The following TRERF1 variants were observed in gnomAD, a reference collection of about 807,000 sequenced individuals.
TRERF1 encodes the protein transcriptional-regulating factor 1.
A neutral mutation model predicts 122.9 loss-of-function variants in TRERF1; 27 were observed. That is an observed-to-expected ratio of 0.22 (90% CI 0.16 to 0.30). The LOEUF is 0.30. Among genes scored for constraint, TRERF1 ranks in the 10% least tolerant of loss-of-function variants. The probability of loss-of-function intolerance (pLI) is 1.00; values close to 1 mark genes in which losing one functional copy is unlikely to be tolerated. For missense variants in TRERF1, 1,248 were observed against 1,560.3 expected (o/e 0.80, Z 3.37); for synonymous variants, 636 against 641.7 (o/e 0.99, Z 0.13).
chr6:42,332,913 G>C (rs760907171), intron 3 of TRERF1, among the ~76,000 whole-genome samples: 1 of 152,204 alleles, frequency 6.6e-6, no homozygotes, highest in Non-Finnish European at 1.5e-5. Context: ...GAGAGGAAAG[G>C]AGAGGAAACT....
intron 15 of TRERF1, among the ~76,000 whole-genome samples, chr6:42,240,883 CTGTTTTT>C (rs1353224691): frequency 2.6e-5 from 4 of 151,508 alleles, no homozygotes; most frequent in Admixed American, 6.6e-5. Flanking sequence ...GGAGAGCATA[CTGTTTTT>C]TGTTTTTTGT....
intron 2 of TRERF1, among the ~76,000 whole-genome samples, chr6:42,382,788 C>G (rs1488622155): frequency 6.6e-6 from 1 of 152,080 alleles, no homozygotes; most frequent in Non-Finnish European, 1.5e-5. Context: ...AAATAGGAAG[C>G]TTTCCTCTGC....
At chr6:42,234,146 T>A (rs1185384772) in intron 16 of TRERF1, among the ~76,000 whole-genome samples, 2 of 152,126 alleles carry the variant, frequency 1.3e-5, no homozygotes, top group African/African-American at 2.4e-5. Context: ...CACTGCCAAA[T>A]GTTCTTGGGG....
intron 3 of TRERF1, among the ~76,000 whole-genome samples, chr6:42,326,557 G>A (rs141082100): frequency 9.8e-5 from 15 of 152,290 alleles, no homozygotes; most frequent in African/African-American, 3.6e-4. Flanking sequence ...TAATCCAGGA[G>A]GATGGGGCCA....
At chr6:42,303,665 G>T (rs1047468011) in intron 3 of TRERF1, among the ~76,000 whole-genome samples, 1 of 152,154 alleles carries the variant, frequency 6.6e-6, no homozygotes, top group Non-Finnish European at 1.5e-5. Flanking sequence ...TGTAATCCCA[G>T]CATTTTGGGA....
chr6:42,244,602 A>T (rs943990704), intron 14 of TRERF1, among the ~76,000 whole-genome samples: 2 of 152,206 alleles, frequency 1.3e-5, no homozygotes, highest in African/African-American at 4.8e-5. Flanking sequence ...TTTTTTCTCA[A>T]TATAGCTTGG....
chr6:42,375,665 G>A (rs565545186), intron 2 of TRERF1, among the ~76,000 whole-genome samples: 16 of 152,326 alleles, frequency 1.1e-4, no homozygotes, highest in African/African-American at 3.8e-4. Context: ...CACACTGACT[G>A]ACTAAAGAGG....
chr6:42,430,561 A>T (rs373739318), intron 2 of TRERF1, among the ~76,000 whole-genome samples: 4 of 151,494 alleles, frequency 2.6e-5, no homozygotes, highest in South Asian at 2.1e-4. Context: ...ACCAGCCTGG[A>T]CAACATGGTG....
intron 2 of TRERF1, among the ~76,000 whole-genome samples, chr6:42,372,610 T>C (rs1773963115): frequency 6.6e-6 from 1 of 152,210 alleles, no homozygotes; most frequent in Non-Finnish European, 1.5e-5. Flanking sequence ...AGCTGGATTC[T>C]CATTGGAGAC....
In TRERF1 at chr6:42,328,670, G is replaced by A. The variant is rs150620322; in HGVS notation, c.-370-27921C>T. 6.6e-5 allele frequency among the ~76,000 whole-genome samples: 10 copies of A among 152,316 alleles called. No individual in the cohort carries two copies. In the South Asian group the frequency reaches 1.4e-3, roughly 22 times the overall value. The stretch of plus-strand genomic sequence containing the variant: ...CTGAACAGCAATGCCATGCTAAGCA[G>A]AGTCTTAAGGGCCACTCTGAAGGTT... On this transcript the variant is annotated intron_variant, in intron 3 of 17. Coordinates refer to ENST00000372922, the Ensembl canonical transcript of TRERF1.
chr6:42,320,130 A>C lies in TRERF1; in HGVS notation c.-370-19381T>G, dbSNP rs1017017888. On this transcript the variant is annotated intron_variant, in intron 3 of 17. Coordinates refer to ENST00000372922, the Ensembl canonical transcript of TRERF1. ...TGGCCAGGCTGGCCTCGAACTCCTG[A>C]CCTCAAATGATCCACCTGGCGGCCT... Among the ~76,000 whole-genome samples the C allele has an allele frequency of 5.3e-5, 8 of 152,132 alleles. No homozygotes were observed. The East Asian group carries it at 1.4e-3, about 26-fold the overall frequency.
chr6:42,226,321 A>G (rs1357848152), exon 18 of TRERF1: 1 of 152,210 alleles, frequency 6.6e-6, no homozygotes, highest in Non-Finnish European at 1.5e-5. Context: ...TGCTCCTTTG[A>G]TAGATAAGCT....
intron 2 of TRERF1, among the ~76,000 whole-genome samples, chr6:42,448,854 C>T (rs1193703908): frequency 1.3e-5 from 2 of 152,196 alleles, no homozygotes; most frequent in Admixed American, 6.5e-5. Context: ...GGCTAATCAG[C>T]TTCACAGAGA....
At chr6:42,325,608 T>A (rs1764158164) in intron 3 of TRERF1, among the ~76,000 whole-genome samples, 1 of 152,152 alleles carries the variant, frequency 6.6e-6, no homozygotes, top group Non-Finnish European at 1.5e-5. Context: ...GTGTGGTGAC[T>A]CACACCTGTA....
chr6:42,240,190 G>T (rs1403354567), intron 15 of TRERF1, among the ~76,000 whole-genome samples: 1 of 152,174 alleles, frequency 6.6e-6, no homozygotes, highest in Non-Finnish European at 1.5e-5. Flanking sequence ...TTCACAGAAG[G>T]AATGTTTATG....
rs761012167 is a variant in TRERF1 at position 42,257,092 on chromosome 6, T to C, written c.2347A>G (p.Ile783Val). 1.7e-5 allele frequency: 28 copies of C among 1,614,188 alleles called. No homozygotes were observed. In the Admixed American group the frequency reaches 4.3e-4, roughly 25 times the overall value. ...ATTTCTGCTTGGAATCTCAAGCCAA[T>C]GTTGATGCGTCTTTAAATGACAAGA... The change falls in exon 11 of 18, where the codon ATT becomes GTT. Residue 783 changes from isoleucine to valine, a missense_variant. Around this residue, in one of 5 missense-constraint regions of TRERF1, gnomAD observed 946 missense variants for 1,073.0 expected, o/e 0.88. Transcript: ENST00000372922.
At chr6:42,292,010 G>T (rs185399410) in intron 4 of TRERF1, among the ~76,000 whole-genome samples, 1 of 152,234 alleles carries the variant, frequency 6.6e-6, no homozygotes, top group Non-Finnish European at 1.5e-5. Context: ...CCTCCAGCAG[G>T]CCTATCTAAC....
chr6:42,232,668 C>A lies in TRERF1; in HGVS notation c.3278+13G>T. 6.3e-7 allele frequency: 1 copy of A among 1,579,588 alleles called. No homozygotes were observed. Among genetic ancestry groups the A allele is most frequent in the South Asian group, 1.1e-5 (1 of 87,906 alleles). ...CATGAACTCAGATTCAGTCCCCGGT[C>A]CCCTGCACCTACTTGCCACACTCCT... is the stretch of plus-strand genomic sequence containing the variant. On this transcript the variant is annotated intron_variant, in intron 17 of 17. Transcript: ENST00000372922. The surrounding 1 kb of genome is among the most constrained non-coding windows in gnomAD (Gnocchi z 4.5).
intron 3 of TRERF1, among the ~76,000 whole-genome samples, chr6:42,357,689 A>G (rs925605127): frequency 7.2e-5 from 11 of 152,288 alleles, no homozygotes; most frequent in Admixed American, 2.6e-4. Flanking sequence ...CGGGCGAGCG[A>G]GCAGTCTTTC....
Sources: allele counts gnomAD v4.1 joint callset (sites outside exome capture counted in the v4.1 genomes callset), GRCh38; gene constraint gnomAD v4.1.1; regional missense constraint gnomAD v4.1.1; non-coding constraint Gnocchi (gnomAD v3.1); transcripts MANE v1.5; gene names NCBI Gene and HGNC (gene_info 2026-07-23, HGNC 2026-07-21).